Variants in NPAS3 observed in about 807,000 individuals in gnomAD.
NPAS3 encodes neuronal PAS domain-containing protein 3.
Under a neutral mutation model 73.1 loss-of-function variants are expected in NPAS3, and 14 were observed. That is an observed-to-expected ratio of 0.19 (90% CI 0.13 to 0.30). The LOEUF is 0.30. Ranked by LOEUF, NPAS3 falls within the 10% of genes least tolerant of loss-of-function variation. The pLI, the probability that NPAS3 is intolerant of heterozygous loss-of-function variation, is 1.00. For missense variants in NPAS3, 1,096 were observed against 1,250.0 expected (o/e 0.88, Z 1.86); for synonymous variants, 620 against 541.5 (o/e 1.14, Z -2.01).
chr14:33,151,016 C>T (rs778845811), intron 2 of NPAS3, among the ~76,000 whole-genome samples: 3 of 152,182 alleles, frequency 2.0e-5, no homozygotes, highest in Non-Finnish European at 4.4e-5. Context: ...TTGATAGGAA[C>T]AGAAGATTTT....
At chr14:33,601,024 C>G (rs536289916) in intron 5 of NPAS3, among the ~76,000 whole-genome samples, 4 of 152,052 alleles carry the variant, frequency 2.6e-5, no homozygotes, top group Non-Finnish European at 4.4e-5. Flanking sequence ...CAGAAACATA[C>G]GTGCTTCTGC....
At chr14:33,346,481 T>C (rs1319598293) in intron 3 of NPAS3, among the ~76,000 whole-genome samples, 1 of 148,836 alleles carries the variant, frequency 6.7e-6, no homozygotes, top group Non-Finnish European at 1.5e-5. Context: ...TGAGCTTTGA[T>C]TGTGCTACTG....
intron 4 of NPAS3, among the ~76,000 whole-genome samples, chr14:33,529,667 G>T (rs927720536): frequency 1.3e-5 from 2 of 151,278 alleles, no homozygotes; most frequent in Non-Finnish European, 2.9e-5. Context: ...AAGCATGTTG[G>T]CTGTGAAGAG....
At chr14:33,373,185 C>T (rs1594788586) in intron 4 of NPAS3, among the ~76,000 whole-genome samples, 1 of 152,150 alleles carries the variant, frequency 6.6e-6, no homozygotes, top group African/African-American at 2.4e-5. Flanking sequence ...TGTTTACCCT[C>T]AGCAGAAAGG....
chr14:33,662,314 A>C (rs2059330754), intron 5 of NPAS3, among the ~76,000 whole-genome samples: 1 of 152,248 alleles, frequency 6.6e-6, no homozygotes, highest in African/African-American at 2.4e-5. Context: ...TGCCTGCCCT[A>C]GGAAGAAAAG....
chr14:33,769,764 T>TTTTC (rs2062589925), intron 7 of NPAS3, among the ~76,000 whole-genome samples: 1 of 130,270 alleles, frequency 7.7e-6, no homozygotes, highest in Non-Finnish European at 1.6e-5. Flanking sequence ...TTCTTTTTTT[T>TTTTC]TTTTTTTTTT....
intron 4 of NPAS3, among the ~76,000 whole-genome samples, chr14:33,462,618 C>G (rs942947455): frequency 6.6e-6 from 1 of 152,092 alleles, no homozygotes; most frequent in South Asian, 2.1e-4. Context: ...TTTTTTAAAC[C>G]ACTCATAATG....
intron 2 of NPAS3, among the ~76,000 whole-genome samples, chr14:33,111,158 G>A (rs1175735897): frequency 1.3e-5 from 2 of 152,174 alleles, no homozygotes; most frequent in Non-Finnish European, 2.9e-5. Context: ...AGAAACTGCT[G>A]GGGTGATACT....
chr14:33,300,022 A>G (rs1234446849), intron 3 of NPAS3, among the ~76,000 whole-genome samples: 1 of 152,216 alleles, frequency 6.6e-6, no homozygotes, highest in Non-Finnish European at 1.5e-5. Context: ...ATTTGCCACT[A>G]TTTCAGGAAC....
intron 6 of NPAS3, among the ~76,000 whole-genome samples, chr14:33,687,471 G>T (rs1450623822): frequency 6.6e-6 from 1 of 152,142 alleles, no homozygotes; most frequent in Non-Finnish European, 1.5e-5. Flanking sequence ...TCAACAGAAA[G>T]AATTTAAACT....
At chr14:33,729,957 C>T (rs1237933999) in intron 6 of NPAS3, among the ~76,000 whole-genome samples, 1 of 152,106 alleles carries the variant, frequency 6.6e-6, no homozygotes, top group Non-Finnish European at 1.5e-5. Context: ...GCTTGTCCTG[C>T]TTTTCGGAAA....
chr14:33,655,481 C>G (rs1489889262), intron 5 of NPAS3, among the ~76,000 whole-genome samples: 2 of 152,024 alleles, frequency 1.3e-5, no homozygotes, highest in African/African-American at 2.4e-5. Flanking sequence ...CATATAAAAA[C>G]TTAACAGCAC....
intron 3 of NPAS3, among the ~76,000 whole-genome samples, chr14:33,242,884 C>T (rs1294185498): frequency 6.6e-6 from 1 of 152,034 alleles, no homozygotes; most frequent in African/African-American, 2.4e-5. Flanking sequence ...TGTGGAAATG[C>T]ATAAAATATT....
rs550742151 is a variant in NPAS3, at chr14:33,094,561, G to A, written c.140+38567G>A. The stretch of plus-strand genomic sequence containing the variant: ...GCTCACTGCAACCTCCACCTCTTGG[G>A]TTCAAGGTATTCTCCTGCCTCAGCC... On this transcript the variant is annotated intron_variant, in intron 2 of 11. Coordinates refer to ENST00000356141, the Ensembl canonical transcript of NPAS3. Among the ~76,000 whole-genome samples the A allele has an allele frequency of 1.1e-3, 160 of 151,860 alleles. 1 individual carries two copies. The highest frequency in any genetic ancestry group is 3.3e-3 in the Admixed American group (50 of 15,250).
intron 9 of NPAS3, among the ~76,000 whole-genome samples, chr14:33,782,523 G>A (rs1439988529): frequency 6.6e-6 from 1 of 152,192 alleles, no homozygotes; most frequent in African/African-American, 2.4e-5. Flanking sequence ...GGTTCTTTGT[G>A]GGTCCAATCA....
intron 5 of NPAS3, among the ~76,000 whole-genome samples, chr14:33,598,649 T>G (rs1267290550): frequency 6.6e-6 from 1 of 152,266 alleles, no homozygotes; most frequent in Non-Finnish European, 1.5e-5. Context: ...GGGACTTTAT[T>G]GTATGCTAAC....
At chr14:33,281,366 C>T (rs2041598469) in intron 3 of NPAS3, among the ~76,000 whole-genome samples, 1 of 152,136 alleles carries the variant, frequency 6.6e-6, no homozygotes. Flanking sequence ...CATGGTGGCT[C>T]ATGCCTGTAA....
intron 4 of NPAS3, among the ~76,000 whole-genome samples, chr14:33,426,282 T>C (rs1407155033): frequency 6.6e-6 from 1 of 152,106 alleles, no homozygotes; most frequent in Non-Finnish European, 1.5e-5. Context: ...GGAGCAAGAT[T>C]GTAACTTCTC....
At chr14:33,194,002 A>T (rs1017231837) in intron 2 of NPAS3, among the ~76,000 whole-genome samples, 1 of 152,240 alleles carries the variant, frequency 6.6e-6, no homozygotes, top group African/African-American at 2.4e-5. Context: ...AAGCAGAAAG[A>T]TCATGTAAAA....
Sources: gnomAD v4.1 joint callset for allele counts (sites outside exome capture counted in the v4.1 genomes callset) on GRCh38, gnomAD v4.1.1 for gene constraint, MANE v1.5 for transcripts, NCBI Gene and HGNC (gene_info 2026-07-23, HGNC 2026-07-21) for gene names.